DISP1: variants seen among roughly 807,000 people sequenced by gnomAD.
DISP1 encodes the protein dispatched RND transporter family member 1.
A neutral mutation model predicts 37.3 loss-of-function variants in DISP1; 30 were observed. The observed-to-expected ratio is 0.80, with a 90% confidence interval of 0.60 to 1.09. DISP1 has a LOEUF of 1.09. DISP1 is among the 50% of genes least tolerant of loss of function. The pLI is 0.00. For synonymous variants in DISP1, 634 were observed against 690.2 expected, an observed-to-expected ratio of 0.92 and a Z score of 1.28; for missense variants, 1,598 against 1,879.5, an observed-to-expected ratio of 0.85 and a Z score of 2.77.
chr1:222,931,500 T>C (rs865826196), intron 2 of DISP1, among the ~76,000 whole-genome samples: 3 of 151,888 alleles, frequency 2.0e-5, no homozygotes, highest in African/African-American at 7.2e-5. Context: ...TGAGACAAAA[T>C]AGTTTCAAAT....
chr1:222,815,637 T>C (rs983530574), intron 1 of DISP1, among the ~76,000 whole-genome samples: 1 of 151,768 alleles, frequency 6.6e-6, no homozygotes, highest in Non-Finnish European at 1.5e-5. Context: ...TATATCCCGC[T>C]CCGCGCGTGT....
chr1:222,830,119 T>C (rs1665377948), intron 1 of DISP1, among the ~76,000 whole-genome samples: 1 of 152,170 alleles, frequency 6.6e-6, no homozygotes, highest in Non-Finnish European at 1.5e-5. Context: ...TCCCTGCCTG[T>C]TCCTTAAGTG....
At chr1:222,851,061 A>ATTTTTTTTTTTTTTTTTTTTTTTTT (rs971721526) in intron 1 of DISP1, among the ~76,000 whole-genome samples, 1 of 127,362 alleles carries the variant, frequency 7.9e-6, no homozygotes, top group Non-Finnish European at 1.7e-5. Context: ...TGCATTTTTA[A>ATTTTTTTTTTTTTTTTTTTTTTTTT]TTTTTTTTTT....
intron 1 of DISP1, among the ~76,000 whole-genome samples, chr1:222,886,276 A>G (rs1027393701): frequency 2.6e-5 from 4 of 152,216 alleles, no homozygotes; most frequent in African/African-American, 9.7e-5. Context: ...CAACAGAAGC[A>G]ACGCTTTGAG....
chr1:222,861,793 T>C (rs1484690132), intron 1 of DISP1, among the ~76,000 whole-genome samples: 1 of 152,220 alleles, frequency 6.6e-6, no homozygotes, highest in Non-Finnish European at 1.5e-5. Context: ...GTAATGTTAT[T>C]ACACTATAGG....
At chr1:222,871,640 A>G (rs569819164) in intron 1 of DISP1, among the ~76,000 whole-genome samples, 2 of 152,254 alleles carry the variant, frequency 1.3e-5, no homozygotes, top group Non-Finnish European at 2.9e-5. Flanking sequence ...TTGATTTTGC[A>G]TCCTGAGACT....
intron 7 of DISP1, among the ~76,000 whole-genome samples, chr1:222,993,730 A>G (rs1678864337): frequency 6.6e-6 from 1 of 152,214 alleles, no homozygotes; most frequent in Non-Finnish European, 1.5e-5. Flanking sequence ...TTATTGCTTA[A>G]CCAACATCTG....
intron 3 of DISP1, among the ~76,000 whole-genome samples, chr1:222,966,828 T>A (rs1451712038): frequency 6.6e-6 from 1 of 152,054 alleles, no homozygotes; most frequent in Non-Finnish European, 1.5e-5. Flanking sequence ...GAAATCAGAA[T>A]GGTTTAAAAG....
intron 1 of DISP1, among the ~76,000 whole-genome samples, chr1:222,861,707 T>A (rs1668887838): frequency 6.6e-6 from 1 of 151,486 alleles, no homozygotes; most frequent in Non-Finnish European, 1.5e-5. Flanking sequence ...AACACCACAA[T>A]AAATTATTAA....
chr1:222,886,235 A>G (rs1670592994), intron 1 of DISP1, among the ~76,000 whole-genome samples: 1 of 152,210 alleles, frequency 6.6e-6, no homozygotes, highest in Non-Finnish European at 1.5e-5. Context: ...GAAAATCTGA[A>G]CAGTGAGTGT....
intron 3 of DISP1, among the ~76,000 whole-genome samples, chr1:222,965,756 T>C (rs2102615926): frequency 6.6e-6 from 1 of 152,310 alleles, no homozygotes; most frequent in South Asian, 2.1e-4. Context: ...CAGATCTCTA[T>C]TTCCTGTCTA....
chr1:222,881,246 A>G (rs546494768), intron 1 of DISP1, among the ~76,000 whole-genome samples: 3 of 152,056 alleles, frequency 2.0e-5, no homozygotes, highest in Non-Finnish European at 4.4e-5. Context: ...CCCAGGCTGG[A>G]AAGCAATGGC....
intron 3 of DISP1, among the ~76,000 whole-genome samples, chr1:222,958,650 T>C (rs891981899): frequency 4.6e-5 from 7 of 152,122 alleles, no homozygotes; most frequent in African/African-American, 1.7e-4. Flanking sequence ...TATTTTAGTC[T>C]TCTTTGGTTA....
intron 3 of DISP1, among the ~76,000 whole-genome samples, chr1:222,957,463 C>T (rs1425013592): frequency 6.6e-6 from 1 of 152,120 alleles, no homozygotes; most frequent in Non-Finnish European, 1.5e-5. Flanking sequence ...GTGGTGGACA[C>T]CTGTAATTCC....
At chr1:222,865,837 C>T (rs35689138) in intron 1 of DISP1, among the ~76,000 whole-genome samples, 17,269 of 152,094 alleles carry the variant, frequency 0.11, 1,352 homozygotes, top group South Asian at 0.16. Context: ...CTATAAGAGG[C>T]GGGTATATTT....
intron 2 of DISP1, among the ~76,000 whole-genome samples, chr1:222,932,261 A>G (rs1673445996): frequency 6.6e-6 from 1 of 151,914 alleles, no homozygotes; most frequent in Admixed American, 6.6e-5. Context: ...TAATGTCCAC[A>G]CTTCACTACA....
intron 1 of DISP1, among the ~76,000 whole-genome samples, chr1:222,919,390 T>C (rs1428150446): frequency 6.6e-6 from 1 of 152,188 alleles, no homozygotes; most frequent in East Asian, 1.9e-4. Flanking sequence ...TTAGCAATAA[T>C]GTGAACCTGT....
At chr1:222,885,428 C>T (rs1670535116) in intron 1 of DISP1, among the ~76,000 whole-genome samples, 3 of 151,658 alleles carry the variant, frequency 2.0e-5, no homozygotes, top group Admixed American at 6.6e-5. Flanking sequence ...TATATTTTCC[C>T]AGCACCCACC....
intron 2 of DISP1, among the ~76,000 whole-genome samples, chr1:222,939,863 C>T (rs201266666): frequency 7.3e-5 from 11 of 151,460 alleles, no homozygotes; most frequent in African/African-American, 2.2e-4. Context: ...CAGTGGCTCA[C>T]GCCTGTAATC....
Sources: gnomAD v4.1 joint callset for allele counts (sites outside exome capture counted in the v4.1 genomes callset) on GRCh38, gnomAD v4.1.1 for gene constraint, MANE v1.5 for transcripts, NCBI Gene and HGNC (gene_info 2026-07-23, HGNC 2026-07-21) for gene names.